The following RBM46 variants were observed in gnomAD, a reference collection of about 807,000 sequenced individuals.
RBM46 encodes RNA binding motif protein 46.
Under a neutral mutation model 43.3 loss-of-function variants are expected in RBM46, and 12 were observed. That is an observed-to-expected ratio of 0.28 (90% CI 0.18 to 0.45). The LOEUF is 0.45. Among genes scored for constraint, RBM46 ranks in the 20% least tolerant of loss-of-function variants. The pLI is 1.00. For synonymous variants in RBM46, 205 were observed against 207.6 expected (o/e 0.99, Z 0.11); for missense variants, 412 against 639.1 (o/e 0.64, Z 3.83).
At chr4:154,784,765 C>A (rs1295753352) in intron 1 of RBM46, among the ~76,000 whole-genome samples, 3 of 152,140 alleles carry the variant, frequency 2.0e-5, no homozygotes, top group African/African-American at 4.8e-5. Context: ...GTTTTTAGAA[C>A]GCTTTGTAGT....
intron 1 of RBM46, among the ~76,000 whole-genome samples, chr4:154,793,167 A>AT (rs1230030409): frequency 6.6e-6 from 1 of 152,106 alleles, no homozygotes. Flanking sequence ...TTTCTTGAAT[A>AT]TTTTTCCATA....
intron 4 of RBM46, among the ~76,000 whole-genome samples, chr4:154,808,102 T>C (rs1734995977): frequency 1.3e-5 from 2 of 152,048 alleles, no homozygotes; most frequent in Non-Finnish European, 1.5e-5. Context: ...AGTACAATCA[T>C]CAGAAAACAT....
rs760538399 is a variant in RBM46, at chr4:154,799,311, G to A, written c.1149G>A (p.Met383Ile). 1 of 1,614,122 alleles carries A rather than the reference G, an allele frequency of 6.2e-7. No homozygotes were observed. The highest frequency in any genetic ancestry group is 8.5e-7 in the Non-Finnish European group (1 of 1,180,036). The change falls in exon 4 of 5, where the codon ATG becomes ATA. Residue 383 changes from methionine (M) to isoleucine (I), a missense_variant. Around this residue, in one of 8 missense-constraint regions of RBM46, gnomAD observed 105 missense variants for 111.0 expected, o/e 0.95. Coordinates refer to ENST00000281722, the MANE Select transcript of RBM46 (RefSeq NM_144979.5). ...GAACAAAGCTTACTCCAATTAGTAT[G>A]TATTCTTTAAAATCCAATCATTTTA... is the stretch of plus-strand genomic sequence containing the variant. Reference protein sequence around the residue: ...YPGTKLTPISMYSLKSNHFNS... With the variant: ...YPGTKLTPISIYSLKSNHFNS...
At chr4:154,826,242 G>A (rs1320442017) in intron 4 of RBM46, among the ~76,000 whole-genome samples, 4 of 151,820 alleles carry the variant, frequency 2.6e-5, no homozygotes, top group Non-Finnish European at 4.4e-5. Flanking sequence ...TGGATCACTT[G>A]AGGTCAGTAG....
chr4:154,794,990 G>A (rs1033313503), intron 1 of RBM46, among the ~76,000 whole-genome samples: 12 of 151,964 alleles, frequency 7.9e-5, no homozygotes, highest in Admixed American at 7.2e-4. Context: ...CCAGATGTAA[G>A]GAATAGTGCA....
intron 4 of RBM46, chr4:154,826,782 T>C: frequency 6.6e-7 from 1 of 1,521,898 alleles, no homozygotes; most frequent in Non-Finnish European, 8.8e-7. Flanking sequence ...TTTCTGATGT[T>C]GCTTGAGCTT....
rs111769044 is a variant in RBM46 at position 154,797,058 on chromosome 4, G to A, written c.151+155G>A. 2.4e-3 allele frequency among the ~76,000 whole-genome samples: 359 copies of A among 151,538 alleles called. 4 individuals carry two copies. The highest frequency in any genetic ancestry group is 8.3e-3 in the African/African-American group (343 of 41,268). ...TGTTGAGGAGAGTTAAATTATAAAT[G>A]TTATTCATGTCTTACCATTACATTT... On this transcript the variant is annotated intron_variant, in intron 2 of 4. Coordinates refer to ENST00000281722, the MANE Select transcript of RBM46 (RefSeq NM_144979.5).
intron 4 of RBM46, among the ~76,000 whole-genome samples, chr4:154,802,672 G>A (rs1424184930): frequency 7.0e-6 from 1 of 142,782 alleles, no homozygotes; most frequent in Non-Finnish European, 1.6e-5. Context: ...CTCAAACGAA[G>A]TTCCTTACCT....
At chr4:154,787,061 T>A (rs1733810569) in intron 1 of RBM46, 1 of 152,246 alleles carries the variant, frequency 6.6e-6, no homozygotes, top group Admixed American at 6.5e-5. Flanking sequence ...CTTTTTTTCC[T>A]TCTCTGGAGA....
At chr4:154,805,475 T>C (rs922798307) in intron 4 of RBM46, among the ~76,000 whole-genome samples, 2 of 152,134 alleles carry the variant, frequency 1.3e-5, no homozygotes, top group Non-Finnish European at 2.9e-5. Flanking sequence ...TTTCTGGTAA[T>C]TGAATAGTAT....
intron 1 of RBM46, among the ~76,000 whole-genome samples, chr4:154,782,155 G>T (rs1044804172): frequency 6.6e-6 from 1 of 152,206 alleles, no homozygotes; most frequent in Admixed American, 6.5e-5. Context: ...ACACACGGAC[G>T]GCAGCACACG....
chr4:154,821,370 A>G (rs1735715093), intron 4 of RBM46, among the ~76,000 whole-genome samples: 1 of 151,680 alleles, frequency 6.6e-6, no homozygotes, highest in Non-Finnish European at 1.5e-5. Flanking sequence ...TTTTTTGCCC[A>G]CATGGTTTAT....
Position 154,828,305 on chromosome 4 carries a change from ATTCTT to A in RBM46, c.*241_*245del. 1 of 433,486 alleles carries A rather than the reference ATTCTT, an allele frequency of 2.3e-6. No individual in the cohort carries two copies. The allele number at this position is 433,486 out of a possible 1,614,324, so 26.9% of individuals were successfully genotyped here. A position where few individuals can be genotyped will look rare whatever the true frequency, so the allele number is the denominator to read the frequency against. On this transcript the variant is annotated 3_prime_UTR_variant, in exon 5 of 5. Coordinates refer to ENST00000281722, the MANE Select transcript of RBM46 (RefSeq NM_144979.5). ...CTTGATAAAGGTACAGCAAACTACT[ATTCTT>A]TTTAAACTTCTAGGATTTTCTTCTA...
intron 3 of RBM46, 146 bp downstream of exon 3, chr4:154,798,424 T>G (rs2111132648): frequency 3.3e-6 from 2 of 609,162 alleles, no homozygotes; most frequent in East Asian, 2.9e-5. Context: ...ATAAATTACA[T>G]GATTCTAAAA....
At chr4:154,797,697 C>T (rs1436814019) in intron 2 of RBM46, 114 bp from the exon 3 acceptor site, 3 of 619,698 alleles carry the variant, frequency 4.8e-6, no homozygotes, top group African/African-American at 3.8e-5. Context: ...ATCACCAATA[C>T]CTAGAATTGT....
chr4:154,791,251 G>A (rs1734075996), intron 1 of RBM46, among the ~76,000 whole-genome samples: 1 of 152,178 alleles, frequency 6.6e-6, no homozygotes, highest in African/African-American at 2.4e-5. Flanking sequence ...TAAGAGGGAT[G>A]CATAGTGATT....
At chr4:154,808,132 A>G (rs565158656) in intron 4 of RBM46, among the ~76,000 whole-genome samples, 129 of 152,092 alleles carry the variant, frequency 8.5e-4, no homozygotes, top group African/African-American at 2.9e-3. Flanking sequence ...AAACAGTTGT[A>G]TTGCCTGATA....
At chr4:154,814,061 A>G (rs1429965272) in intron 4 of RBM46, among the ~76,000 whole-genome samples, 2 of 151,998 alleles carry the variant, frequency 1.3e-5, no homozygotes, top group Non-Finnish European at 2.9e-5. Flanking sequence ...CTACAATGTT[A>G]TGTTTTGTTG....
rs1735977567 is a variant in RBM46 at position 154,826,643 on chromosome 4, C to T, written c.1403-1225C>T. Reference sequence around the variant, plus strand: ...TCCTGGAACAGATCGCTTTGTTGATCTTATGGTACCATTCATAAAAAGGTT... The same window carrying T: ...TCCTGGAACAGATCGCTTTGTTGATTTTATGGTACCATTCATAAAAAGGTT... On this transcript the variant is annotated intron_variant, in intron 4 of 4. Coordinates refer to ENST00000281722, the MANE Select transcript of RBM46 (RefSeq NM_144979.5). 1.1e-5 allele frequency: 7 copies of T among 627,548 alleles called. No individual in the cohort carries two copies. The East Asian group carries it at 1.9e-4, about 17-fold the overall frequency. The allele number at this position is 627,548 out of a possible 1,614,324, so 38.9% of individuals were successfully genotyped here. A position where few individuals can be genotyped will look rare whatever the true frequency, so the allele number is the denominator to read the frequency against.
Sources: gnomAD v4.1 joint callset for allele counts (sites outside exome capture counted in the v4.1 genomes callset) on GRCh38, gnomAD v4.1.1 for gene constraint, gnomAD v4.1.1 regional missense constraint, MANE v1.5 for transcripts, NCBI Gene and HGNC (gene_info 2026-07-23, HGNC 2026-07-21) for gene names.